The following EVC variants were observed in gnomAD, a reference collection of about 807,000 sequenced individuals.
EVC encodes the protein EvC ciliary complex subunit 1.
In EVC, 116 loss-of-function variants were observed where a neutral mutation model predicts 118.9. The ratio of observed to expected loss-of-function variants is 0.98; its 90% confidence interval spans 0.84 to 1.14. The LOEUF (loss-of-function observed/expected upper bound fraction) is 1.14, where lower values mean the gene tolerates loss of function less well. Among genes scored for constraint, EVC ranks in the 50% most tolerant of loss-of-function variants. The pLI is 0.00. For synonymous variants in EVC, 619 were observed against 534.7 expected, an observed-to-expected ratio of 1.16 and a Z score of -2.18; for missense variants, 1,401 against 1,246.4, an observed-to-expected ratio of 1.12 and a Z score of -1.87.
the EVC span, chr4:5,824,159 G>A: frequency 1.1e-5 from 3 of 270,706 alleles, no homozygotes; most frequent in Non-Finnish European, 1.7e-5. Context: ...ATTGTGCAGT[G>A]TTTAATTGCA....
At chr4:5,807,707 C>A (rs962620358) in intron 17 of EVC, among the ~76,000 whole-genome samples, 6 of 152,144 alleles carry the variant, frequency 3.9e-5, no homozygotes, top group Non-Finnish European at 7.4e-5. Context: ...CAAGAAGCTT[C>A]TCATTTTACG....
Position 5,755,739 on chromosome 4 carries a change from C to G in EVC, c.1465-525C>G, listed in dbSNP as rs191381326. On this transcript the variant is annotated intron_variant, in intron 10 of 20. Transcript: ENST00000264956. This position sits in a 1 kb window ranked among gnomAD's most constrained non-coding sequence, Gnocchi z 4.1. ...TCTGTCCTTCTGCCCCACCTCGCCC[C>G]TCGCTGATGCTCTGTTTAGGGCTGG... 2.5e-3 allele frequency among the ~76,000 whole-genome samples: 381 copies of G among 152,288 alleles called. 2 individuals are homozygous for G. Among genetic ancestry groups the G allele is most frequent in the African/African-American group, 8.3e-3 (347 of 41,562 alleles).
chr4:5,778,366 G>A (rs1370538520), intron 11 of EVC, among the ~76,000 whole-genome samples: 2 of 151,950 alleles, frequency 1.3e-5, no homozygotes, highest in African/African-American at 4.8e-5. Context: ...TAATGGGATG[G>A]CCGGGTCAAA....
At chr4:5,775,193 C>G (rs964648577) in intron 11 of EVC, among the ~76,000 whole-genome samples, 1 of 152,126 alleles carries the variant, frequency 6.6e-6, no homozygotes, top group Non-Finnish European at 1.5e-5. Flanking sequence ...TTGGGATTCT[C>G]AGAGGCTAGA....
At chr4:5,780,681 G>T (rs1366412583) in intron 11 of EVC, among the ~76,000 whole-genome samples, 1 of 152,204 alleles carries the variant, frequency 6.6e-6, no homozygotes, top group Non-Finnish European at 1.5e-5. Flanking sequence ...CATACAACCA[G>T]TGCCTGGAAA....
intron 6 of EVC, 82 bp downstream of exon 6, chr4:5,741,896 C>T: frequency 2.9e-6 from 2 of 687,298 alleles, no homozygotes; most frequent in South Asian, 1.8e-5. Flanking sequence ...AAATTTTTTT[C>T]TTTCATGTAT....
the EVC span, among the ~76,000 whole-genome samples, chr4:5,822,280 C>A: frequency 6.6e-6 from 1 of 152,146 alleles, no homozygotes; most frequent in Admixed American, 6.6e-5. Context: ...ACGTGTCTTG[C>A]GGGACACAGG....
At position 5,741,809 on chromosome 4, in the gene EVC, GA is replaced by G. The variant is rs777852863; in HGVS notation, c.801del (p.Asp268IlefsTer5). The stretch of plus-strand genomic sequence containing the variant: ...ATACCAGAAGATCCTTTCAAAACAA[GA>G]AAAAGTAAGTCTTCAACCTATGTTT... ...ELYQKILSKQEKDLEELEKGL... is the reference protein window; with the variant it reads ...ELYQKILSKQXKDLEELEKGL... On this transcript the variant is annotated frameshift_variant, in exon 6 of 21. Transcript: ENST00000264956. LOFTEE classifies it high-confidence loss of function. 1 of 1,439,370 alleles carries G rather than the reference GA, an allele frequency of 6.9e-7. No individual in the cohort carries two copies. Among genetic ancestry groups the G allele is most frequent in the South Asian group, 1.2e-5 (1 of 86,808 alleles). The allele number at this position is 1,439,370 out of a possible 1,614,324, so 89.2% of individuals were successfully genotyped here. A position where few individuals can be genotyped will look rare whatever the true frequency, so the allele number is the denominator to read the frequency against.
chr4:5,748,099 TTAAG>T (rs1251544599), intron 7 of EVC, 45 bp from the exon 8 acceptor site: 28 of 1,602,716 alleles, frequency 1.7e-5, no homozygotes, highest in Non-Finnish European at 2.3e-5. Flanking sequence ...TTTGGCTTTC[TTAAG>T]TAAGTTTTTC....
chr4:5,763,590 G>C (rs1044381097), intron 11 of EVC, among the ~76,000 whole-genome samples: 2 of 127,298 alleles, frequency 1.6e-5, no homozygotes, highest in African/African-American at 3.0e-5. Flanking sequence ...GCAGTGGTTT[G>C]TAGTTCTCCT....
chr4:5,755,314 C>T lies in EVC; in HGVS notation c.1465-950C>T, dbSNP rs1267498744. Among the ~76,000 whole-genome samples, 10 of 152,132 alleles carry T rather than the reference C, an allele frequency of 6.6e-5. No homozygotes were observed. The highest frequency in any genetic ancestry group is 1.0e-4 in the Non-Finnish European group (7 of 68,024). ...TGTCCCAGGGCCTCGGTACAGTCCT[C>T]GGAACGCCTCAGCGCTGGCGTTCAG... On this transcript the variant is annotated intron_variant, in intron 10 of 20. Coordinates refer to ENST00000264956, the MANE Select transcript of EVC (RefSeq NM_153717.3). This position sits in a 1 kb window ranked among gnomAD's most constrained non-coding sequence, Gnocchi z 4.1.
Position 5,768,575 on chromosome 4 carries a change from G to A in EVC, c.1563+12213G>A, listed in dbSNP as rs200440022. 5.9e-5 allele frequency among the ~76,000 whole-genome samples: 9 copies of A among 152,126 alleles called. No homozygotes were observed. In the East Asian group the frequency reaches 1.7e-3, roughly 29 times the overall value. ...ACACTGATACTCAAAATGTATTCTC[G>A]GCTGGGCACAGTGGCTCACACCTGT... On this transcript the variant is annotated intron_variant, in intron 11 of 20. Coordinates refer to ENST00000264956, the MANE Select transcript of EVC (RefSeq NM_153717.3).
At chr4:5,715,962 T>G (rs773840252) in intron 1 of EVC, among the ~76,000 whole-genome samples, 1 of 152,180 alleles carries the variant, frequency 6.6e-6, no homozygotes, top group Non-Finnish European at 1.5e-5. Context: ...CAGTCTGGTC[T>G]CGAACTCCTG....
intron 12 of EVC, among the ~76,000 whole-genome samples, chr4:5,793,017 T>C (rs954588068): frequency 2.0e-5 from 3 of 152,120 alleles, no homozygotes; most frequent in African/African-American, 7.2e-5. Flanking sequence ...CCAAAGAGTC[T>C]TTTTTCCCCT....
chr4:5,746,415 G>A lies in EVC; in HGVS notation c.939+1074G>A, dbSNP rs1175365946. ...GGTGGGGAGGAGGAGGGGGTCCAGG[G>A]TCAGTGCTGCTGAAATAAGCGCCCC... is the stretch of plus-strand genomic sequence containing the variant. On this transcript the variant is annotated intron_variant, in intron 7 of 20. Transcript: ENST00000264956. This position sits in a 1 kb window ranked among gnomAD's most constrained non-coding sequence, Gnocchi z 5.8. 2.6e-5 allele frequency among the ~76,000 whole-genome samples: 4 copies of A among 152,196 alleles called. No individual in the cohort carries two copies. Among genetic ancestry groups the A allele is most frequent in the Non-Finnish European group, 5.9e-5 (4 of 68,036 alleles).
At position 5,746,571 on chromosome 4, in the gene EVC, T is replaced by A. The variant is rs1259993677; in HGVS notation, c.939+1230T>A. On this transcript the variant is annotated intron_variant, in intron 7 of 20. Coordinates refer to ENST00000264956, the MANE Select transcript of EVC (RefSeq NM_153717.3). This position sits in a 1 kb window ranked among gnomAD's most constrained non-coding sequence, Gnocchi z 5.8. ...GGTTAGAGGACTTTGAGGGCCAGAA[T>A]GTTCTTAGAACTGTGGGCCAGGATG... Among the ~76,000 whole-genome samples the A allele has an allele frequency of 6.6e-6, 1 of 152,108 alleles. No homozygotes were observed. Among genetic ancestry groups the A allele is most frequent in the Non-Finnish European group, 1.5e-5 (1 of 68,016 alleles).
At chr4:5,809,197 G>A (rs1213684169) in intron 18 of EVC, among the ~76,000 whole-genome samples, 2 of 152,262 alleles carry the variant, frequency 1.3e-5, no homozygotes, top group South Asian at 2.1e-4. Context: ...CTGTGGAGTC[G>A]GGCAGAAGTG....
chr4:5,806,427 C>G lies in EVC; in HGVS notation c.2561+1586C>G, dbSNP rs546144324. Among the ~76,000 whole-genome samples, 23 of 152,228 alleles carry G rather than the reference C, an allele frequency of 1.5e-4. No homozygotes were observed. The South Asian group carries it at 4.6e-3, about 30-fold the overall frequency. ...ATGTGCACACATTATTGAGCTCCCA[C>G]TCATAACTGAAAATATGAGATATTT... On this transcript the variant is annotated intron_variant, in intron 17 of 20. Coordinates refer to ENST00000264956, the MANE Select transcript of EVC (RefSeq NM_153717.3).
At chr4:5,717,740 C>T (rs527939255) in intron 1 of EVC, among the ~76,000 whole-genome samples, 1 of 152,374 alleles carries the variant, frequency 6.6e-6, no homozygotes, top group East Asian at 1.9e-4. Flanking sequence ...CTCAATGGCT[C>T]ATGGCCTCAC....
Sources: allele counts gnomAD v4.1 joint callset (sites outside exome capture counted in the v4.1 genomes callset), GRCh38; gene constraint gnomAD v4.1.1; non-coding constraint Gnocchi (gnomAD v3.1); transcripts MANE v1.5; gene names NCBI Gene and HGNC (gene_info 2026-07-23, HGNC 2026-07-21).